NPEPL1: variants seen among roughly 807,000 people sequenced by gnomAD.
NPEPL1 encodes the protein aminopeptidase like 1.
Under a neutral mutation model 52.4 loss-of-function variants are expected in NPEPL1, and 45 were observed. That is an observed-to-expected ratio of 0.86 (90% CI 0.68 to 1.10). The LOEUF is 1.10. Among genes scored for constraint, NPEPL1 ranks in the 50% least tolerant of loss-of-function variants. NPEPL1 has a pLI of 0.00. For missense variants in NPEPL1, 696 were observed against 710.9 expected, an observed-to-expected ratio of 0.98 and a Z score of 0.24; for synonymous variants, 360 against 314.7, an observed-to-expected ratio of 1.14 and a Z score of -1.52.
At chr20:58,691,866 G>C (rs2084355353), upstream of NPEPL1, 1 of 1,301,324 alleles carries the variant, frequency 7.7e-7, no homozygotes, top group Admixed American at 2.0e-5. Flanking sequence ...CTCCTGGGTG[G>C]AGCTTCCCCA....
rs1250332494 is a variant in NPEPL1 at position 58,715,549 on chromosome 20, C to T, written c.*223C>T. On this transcript the variant is annotated 3_prime_UTR_variant, in exon 12 of 12. Transcript: ENST00000356091. Reference sequence around the variant, plus strand: ...GGGGCTTGTTTCTGTTTGTTACTTACAGGACTGAGACATCTTCTGTAAACT... The same window carrying T: ...GGGGCTTGTTTCTGTTTGTTACTTATAGGACTGAGACATCTTCTGTAAACT... 2 of 495,468 alleles carry T rather than the reference C, an allele frequency of 4.0e-6. No homozygotes were observed. Among genetic ancestry groups the T allele is most frequent in the Non-Finnish European group, 3.5e-6 (1 of 283,974 alleles). 30.7% of individuals were successfully genotyped at this position (495,468 alleles called of 1,614,324 possible).
At chr20:58,711,873 C>T (rs1050951620) in intron 7 of NPEPL1, among the ~76,000 whole-genome samples, 4 of 152,228 alleles carry the variant, frequency 2.6e-5, no homozygotes, top group East Asian at 3.8e-4. Context: ...GATTCGTCTG[C>T]GGGAGCAGAG....
At chr20:58,704,139 A>C (rs1446354358) in intron 6 of NPEPL1, 1 of 985,308 alleles carries the variant, frequency 1.0e-6, no homozygotes, top group Admixed American at 6.1e-5. Context: ...GAAGGCGCTC[A>C]CAATCTCTCC....
chr20:58,695,176 GGT>G (rs1359284722), intron 3 of NPEPL1, among the ~76,000 whole-genome samples: 2 of 23,852 alleles, frequency 8.4e-5, no homozygotes, highest in Admixed American at 4.7e-4. Flanking sequence ...GTGCATGTGT[GGT>G]GTGTGTTGTT....
intron 3 of NPEPL1, among the ~76,000 whole-genome samples, chr20:58,697,460 G>C (rs1363948241): frequency 6.6e-6 from 1 of 152,244 alleles, no homozygotes; most frequent in Non-Finnish European, 1.5e-5. Context: ...ATTCATATCA[G>C]AGCTGTCAAG....
Position 58,713,561 on chromosome 20 carries a change from C to A in NPEPL1, c.1125+18C>A. ...GGGCTCAGGTGAGTGCTCCCTGGAT[C>A]CACCCCTTAGCTGTAGTCCCAGGGA... On this transcript the variant is annotated intron_variant, in intron 9 of 11. Coordinates refer to ENST00000356091, the MANE Select transcript of NPEPL1 (RefSeq NM_024663.4). The surrounding 1 kb of genome is among the most constrained non-coding windows in gnomAD (Gnocchi z 4.6). 1 of 1,586,606 alleles carries A rather than the reference C, an allele frequency of 6.3e-7. No homozygotes were observed. Among genetic ancestry groups the A allele is most frequent in the Non-Finnish European group, 8.6e-7 (1 of 1,163,342 alleles).
chr20:58,703,101 A>T (rs1379995904), intron 6 of NPEPL1, among the ~76,000 whole-genome samples: 1 of 152,126 alleles, frequency 6.6e-6, no homozygotes, highest in Non-Finnish European at 1.5e-5. Context: ...GGAGGCCCCG[A>T]CTGTGCCCAG....
chr20:58,695,050 T>G (rs367970803), intron 3 of NPEPL1, among the ~76,000 whole-genome samples: 772 of 5,526 alleles, frequency 0.14, 1 homozygote, highest in South Asian at 0.17. Context: ...CTGTGTATGT[T>G]TGCTGGTGTG....
At chr20:58,704,798 C>T (rs6015342) in intron 6 of NPEPL1, among the ~76,000 whole-genome samples, 53,204 of 152,164 alleles carry the variant, frequency 0.35, 12,865 homozygotes, top group African/African-American at 0.69. Flanking sequence ...TTCTTTGCTA[C>T]TACACCAAAA....
chr20:58,714,337 C>A, intron 10 of NPEPL1: 1 of 603,170 alleles, frequency 1.7e-6, no homozygotes, highest in Non-Finnish European at 2.8e-6. Flanking sequence ...GGCTCAGTTG[C>A]CCCATCAGGC....
Position 58,713,060 on chromosome 20 carries a change from G to A in NPEPL1, c.1002-360G>A, listed in dbSNP as rs761316524. Reference sequence around the variant, plus strand: ...CTGGTGCCTGAGTGGGCGCCTCCCCGCATCTCCTGCTCTTCCTCCCCATCT... The same window carrying A: ...CTGGTGCCTGAGTGGGCGCCTCCCCACATCTCCTGCTCTTCCTCCCCATCT... On this transcript the variant is annotated intron_variant, in intron 8 of 11. Transcript: ENST00000356091. The surrounding 1 kb of genome is among the most constrained non-coding windows in gnomAD (Gnocchi z 4.6). 16 of 350,132 alleles carry A rather than the reference G, an allele frequency of 4.6e-5. No homozygotes were observed. The highest frequency in any genetic ancestry group is 1.6e-4 in the Admixed American group (4 of 24,874). The allele number at this position is 350,132 out of a possible 1,614,324, so 21.7% of individuals were successfully genotyped here. A position where few individuals can be genotyped will look rare whatever the true frequency, so the allele number is the denominator to read the frequency against.
intron 6 of NPEPL1, chr20:58,705,632 CTA>C (rs2084721639): frequency 2.3e-6 from 1 of 438,736 alleles, no homozygotes; most frequent in Non-Finnish European, 4.7e-6. Flanking sequence ...ATGGTTTCTT[CTA>C]TAAAAACAGA....
chr20:58,694,729 G>A, intron 3 of NPEPL1, 137 bp downstream of exon 3: 1 of 952,282 alleles, frequency 1.1e-6, no homozygotes, highest in Non-Finnish European at 1.5e-6. Context: ...TGGTTCCTGG[G>A]AAGCGGCAGA....
intron 6 of NPEPL1, among the ~76,000 whole-genome samples, chr20:58,706,479 T>C (rs2084734252): frequency 6.6e-6 from 1 of 152,154 alleles, no homozygotes; most frequent in African/African-American, 2.4e-5. Flanking sequence ...CTAGGCCCTG[T>C]TCTGGGGGGC....
chr20:58,701,213 G>C, intron 6 of NPEPL1, 55 bp downstream of exon 6: 1 of 1,251,994 alleles, frequency 8.0e-7, no homozygotes. Flanking sequence ...GGAAGGTGAG[G>C]TGCAGGGCCC....
chr20:58,699,079 C>A, intron 4 of NPEPL1, 118 bp from the exon 5 acceptor site: 2 of 957,964 alleles, frequency 2.1e-6, no homozygotes, highest in Non-Finnish European at 3.3e-6. Context: ...GGCTCCCAAG[C>A]CCGGCTCCCC....
At chr20:58,691,991 C>A, upstream of NPEPL1, 2 of 634,520 alleles carry the variant, frequency 3.2e-6, no homozygotes, top group Admixed American at 5.2e-5. Context: ...TGCCCCACAC[C>A]CCCGATGGCC....
chr20:58,690,213 T>C (rs2084323962), upstream of NPEPL1, among the ~76,000 whole-genome samples: 1 of 152,246 alleles, frequency 6.6e-6, no homozygotes, highest in African/African-American at 2.4e-5. Flanking sequence ...AAGTTTTTAA[T>C]CTTTTCTTCA....
intron 6 of NPEPL1, chr20:58,705,662 G>C (rs2084722323): frequency 9.4e-6 from 4 of 423,822 alleles, no homozygotes; most frequent in Non-Finnish European, 1.9e-5. Flanking sequence ...TATGGGGGCT[G>C]GTGAAACTTT....
Sources: allele counts gnomAD v4.1 joint callset (sites outside exome capture counted in the v4.1 genomes callset), GRCh38; gene constraint gnomAD v4.1.1; non-coding constraint Gnocchi (gnomAD v3.1); transcripts MANE v1.5; gene names NCBI Gene and HGNC (gene_info 2026-07-23, HGNC 2026-07-21).